Variants in KLF11 observed in about 807,000 individuals in gnomAD.
The protein encoded by KLF11 is KLF transcription factor 11.
KLF11 carries 26 observed loss-of-function variants against 29.9 expected under a neutral mutation model. That is an observed-to-expected ratio of 0.87 (90% CI 0.64 to 1.21). The LOEUF (loss-of-function observed/expected upper bound fraction) is 1.21. Ranked by LOEUF, KLF11 falls within the 50% of genes most tolerant of loss-of-function variation. The pLI, the probability that KLF11 is intolerant of heterozygous loss-of-function variation, is 0.00. For synonymous variants in KLF11, 318 were observed against 257.4 expected (o/e 1.24, Z -2.25); for missense variants, 778 against 665.7 (o/e 1.17, Z -1.86).
chr2:10,048,161 T>A lies in KLF11; in HGVS notation c.824T>A (p.Leu275Gln). The change falls in exon 3 of 4, where the codon CTG becomes CAG. Residue 275 changes from leucine to glutamine, a missense_variant. Leu to Gln is a moderately radical substitution (Grantham distance 113). Coordinates refer to ENST00000305883, the MANE Select transcript of KLF11 (RefSeq NM_003597.5). ...GACCTGCCCAGGAAAACCACCCCTC[T>A]GATTTCTGTCTCTGTCCCTGCTCCC... ...ENDLPRKTTP[L>Q]ISVSVPAPPV... 1 of 1,614,222 alleles carries A rather than the reference T, an allele frequency of 6.2e-7. No individual in the cohort carries two copies. The highest frequency in any genetic ancestry group is 8.5e-7 in the Non-Finnish European group (1 of 1,180,034).
At chr2:10,044,489 G>A in intron 1 of KLF11, 3 of 968,780 alleles carry the variant, frequency 3.1e-6, no homozygotes, top group South Asian at 4.8e-5. Context: ...TGACATCACA[G>A]GGGGTTTAGT....
rs1400411139 is a variant in KLF11 at position 10,054,745 on chromosome 2, T to TA, written c.*2239dup. ...GATAAGACTTAAAATGTTTCATAAT[T>TA]ATGTTTTATGTAACAGACTTTGACA... is the stretch of plus-strand genomic sequence containing the variant. On this transcript the variant is annotated 3_prime_UTR_variant, in exon 4 of 4. Transcript: ENST00000305883. The TA allele has an allele frequency of 1.3e-5, 2 of 152,650 alleles. No individual in the cohort carries two copies. Among genetic ancestry groups the TA allele is most frequent in the East Asian group, 3.8e-4 (2 of 5,200 alleles). 9.5% of individuals were successfully genotyped at this position (152,650 alleles called of 1,614,324 possible). A position where few individuals can be genotyped will look rare whatever the true frequency, so the allele number is the denominator to read the frequency against.
rs1488792523 is a variant in KLF11, at chr2:10,048,018, C to T, written c.681C>T (p.Asn227=). ...TCACGGACAGTTTACTCAGCACTAA[C>T]TTGGTGTCCTGTCAGCCCTGCTTGC... ...THLTDSLLST[N]LVSCQPCLHK... The change falls in exon 3 of 4, where the codon AAC becomes AAT. Residue 227 remains asparagine (N), a synonymous_variant. Transcript: ENST00000305883. 17 of 1,614,050 alleles carry T rather than the reference C, an allele frequency of 1.1e-5. No homozygotes were observed. The highest frequency in any genetic ancestry group is 4.4e-5 in the South Asian group (4 of 91,088).
Position 10,048,396 on chromosome 2 carries a change from CT to C in KLF11, c.1060del (p.Cys354ValfsTer33), listed in dbSNP as rs1661298334. 3 of 1,613,750 alleles carry C rather than the reference CT, an allele frequency of 1.9e-6. No homozygotes were observed. The highest frequency in any genetic ancestry group is 2.2e-5 in the South Asian group (2 of 91,084). On this transcript the variant is annotated frameshift_variant, in exon 3 of 4. Transcript: ENST00000305883. LOFTEE classifies it high-confidence loss of function. ...AGGGAGCCCTCCCTCCGCCTGCCCCCTGTGCAGCCAATGTCATGGCTGCCGG... is the reference window on the plus strand; with the variant it reads ...AGGGAGCCCTCCCTCCGCCTGCCCCCGTGCAGCCAATGTCATGGCTGCCGG... ...PQGALPPPAP[C>X]AANVMAAGNT...
In KLF11 at chr2:10,046,711, C is replaced by T. The variant is rs776000793; in HGVS notation, c.312+292C>T. Reference sequence around the variant, plus strand: ...CTCTACTAAAAGTACAAAATTTATCCGGGTGTGGTGGCGGGCGCCTGTAGT... The same window carrying T: ...CTCTACTAAAAGTACAAAATTTATCTGGGTGTGGTGGCGGGCGCCTGTAGT... On this transcript the variant is annotated intron_variant, in intron 2 of 3. Transcript: ENST00000305883. Among the ~76,000 whole-genome samples, 12 of 152,046 alleles carry T rather than the reference C, an allele frequency of 7.9e-5. 1 individual carries two copies. Among genetic ancestry groups the T allele is most frequent in the Non-Finnish European group, 1.6e-4 (11 of 68,036 alleles).
At chr2:10,044,341 C>A in intron 1 of KLF11, 11 of 985,674 alleles carry the variant, frequency 1.1e-5, no homozygotes, top group Non-Finnish European at 1.3e-5. Context: ...GTTGGGGGCC[C>A]TAAGCGTCGC....
At chr2:10,051,059 A>C (rs1325979675) in intron 3 of KLF11, among the ~76,000 whole-genome samples, 1 of 150,216 alleles carries the variant, frequency 6.7e-6, no homozygotes, top group African/African-American at 2.5e-5. Flanking sequence ...GGTGCCAGCT[A>C]CCATGCCTGG....
At chr2:10,045,152 A>G (rs1661150897) in intron 1 of KLF11, among the ~76,000 whole-genome samples, 2 of 151,330 alleles carry the variant, frequency 1.3e-5, no homozygotes, top group Admixed American at 6.6e-5. Context: ...TCTCAAAAAA[A>G]CAAGGCCGGG....
chr2:10,050,464 C>A (rs546955855), intron 3 of KLF11, among the ~76,000 whole-genome samples: 1 of 150,424 alleles, frequency 6.6e-6, no homozygotes, highest in African/African-American at 2.4e-5. Flanking sequence ...GTATTCCCAG[C>A]ACTTTCCGAG....
intron 3 of KLF11, among the ~76,000 whole-genome samples, chr2:10,051,764 G>A (rs746752982): frequency 3.0e-4 from 46 of 152,074 alleles, no homozygotes; most frequent in East Asian, 9.7e-4. Context: ...TGATCCGCCC[G>A]CCTCGGCCTC....
Position 10,047,793 on chromosome 2 carries a change from C to T in KLF11, c.456C>T (p.Gly152=), listed in dbSNP as rs373126146. 1.4e-5 allele frequency: 23 copies of T among 1,613,468 alleles called. No homozygotes were observed. The highest frequency in any genetic ancestry group is 4.5e-5 in the East Asian group (2 of 44,892). Reference sequence around the variant, plus strand: ...TAGTGGCCAGAGCTCTGAGCGGGGGCGCGGAGAGGGGCTTGCTGGGTTTGG... The same window carrying T: ...TAGTGGCCAGAGCTCTGAGCGGGGGTGCGGAGAGGGGCTTGCTGGGTTTGG... ...SAVVARALSG[G]AERGLLGLEP... The change falls in exon 3 of 4, where the codon GGC becomes GGT. Residue 152 remains glycine, a synonymous_variant. Coordinates refer to ENST00000305883, the MANE Select transcript of KLF11 (RefSeq NM_003597.5).
intron 1 of KLF11, 126 bp downstream of exon 1, chr2:10,043,884 G>T (rs1315801232): frequency 9.3e-7 from 1 of 1,078,496 alleles, no homozygotes; most frequent in Non-Finnish European, 1.1e-6. Flanking sequence ...CTGCGGCCGC[G>T]CCGGTAGGGG....
At chr2:10,044,073 C>G (rs544210217) in intron 1 of KLF11, 1 of 709,378 alleles carries the variant, frequency 1.4e-6, no homozygotes, top group East Asian at 1.3e-4. Flanking sequence ...GTGAGCCGGA[C>G]GGCCGTTGGG....
rs373935239 is a variant in KLF11 at position 10,046,326 on chromosome 2, G to A, written c.219G>A (p.Thr73=). The change falls in exon 2 of 4, where the codon ACG becomes ACA. Residue 73 remains threonine, a synonymous_variant. Coordinates refer to ENST00000305883, the MANE Select transcript of KLF11 (RefSeq NM_003597.5). The stretch of plus-strand genomic sequence containing the variant: ...ACCTGTTGCGGATAAGACCCCTCAC[G>A]CCTGTCTCTGACTCTGGGGATGTCA... The part of the protein sequence containing the change: ...KGDLLRIRPL[T]PVSDSGDVTT... 6.2e-6 allele frequency: 10 copies of A among 1,614,170 alleles called. No homozygotes were observed. The highest frequency in any genetic ancestry group is 5.5e-5 in the South Asian group (5 of 91,082).
chr2:10,048,641 G>C, intron 3 of KLF11, 46 bp downstream of exon 3: 1 of 1,443,176 alleles, frequency 6.9e-7, no homozygotes, highest in Non-Finnish European at 9.6e-7. Flanking sequence ...AGACCCTGTG[G>C]TTAGGAAGCA....
In KLF11 at chr2:10,043,659, C is replaced by G. The variant is rs548269711; in HGVS notation, c.-58C>G. ...GCCGCCCGCAGCCCACGTGCGGCCG[C>G]TGCTGCGCCCGAGCTCACGCCCCGC... On this transcript the variant is annotated 5_prime_UTR_variant, in exon 1 of 4. Coordinates refer to ENST00000305883, the MANE Select transcript of KLF11 (RefSeq NM_003597.5). 1 of 1,217,042 alleles carries G rather than the reference C, an allele frequency of 8.2e-7. No homozygotes were observed. Among genetic ancestry groups the G allele is most frequent in the Admixed American group, 3.0e-5 (1 of 33,830 alleles). 75.4% of individuals were successfully genotyped at this position (1,217,042 alleles called of 1,614,324 possible).
Position 10,047,866 on chromosome 2 carries a change from C to T in KLF11, c.529C>T (p.Arg177Ter), listed in dbSNP as rs747946003. The T allele has an allele frequency of 5.6e-6, 9 of 1,613,718 alleles. No homozygotes were observed. The highest frequency in any genetic ancestry group is 1.3e-5 in the African/African-American group (1 of 74,928). ...CAGGGCCAAGGGGACTAGCGTGATC[C>T]GACACACTGGGGAGAGCCCTGCTGC... ...PCRAKGTSVI[R>*]HTGESPAACF... The change falls in exon 3 of 4, where the codon CGA becomes TGA. Residue 177 changes from arginine (R) to a stop codon, truncating the protein, a stop_gained. Coordinates refer to ENST00000305883, the MANE Select transcript of KLF11 (RefSeq NM_003597.5). LOFTEE classifies it high-confidence loss of function.
In KLF11 at chr2:10,047,506, C is replaced by G. The variant is rs963272211; in HGVS notation, c.313-144C>G. On this transcript the variant is annotated intron_variant, in intron 2 of 3. Transcript: ENST00000305883. Reference sequence around the variant, plus strand: ...AGCTGAGAAAGCAGAGTGCCTCATGCAGCCTTGAAACCCACTGGGATGTTG... The same window carrying G: ...AGCTGAGAAAGCAGAGTGCCTCATGGAGCCTTGAAACCCACTGGGATGTTG... The G allele has an allele frequency of 6.3e-5, 47 of 747,528 alleles. No homozygotes were observed. In the African/African-American group the frequency reaches 7.0e-4, roughly 11 times the overall value. The allele number at this position is 747,528 out of a possible 1,614,324, so 46.3% of individuals were successfully genotyped here. A position where few individuals can be genotyped will look rare whatever the true frequency, so the allele number is the denominator to read the frequency against.
chr2:10,043,742 C>G lies in KLF11; in HGVS notation c.26C>G (p.Pro9Arg). 1 of 1,383,900 alleles carries G rather than the reference C, an allele frequency of 7.2e-7. No homozygotes were observed. Among genetic ancestry groups the G allele is most frequent in the Non-Finnish European group, 9.5e-7 (1 of 1,053,538 alleles). The allele number at this position is 1,383,900 out of a possible 1,614,324, so 85.7% of individuals were successfully genotyped here. Residue 9 changes from proline to arginine, a missense_variant, in exon 1 of 4, where the codon CCA becomes CGA. Coordinates refer to ENST00000305883, the MANE Select transcript of KLF11 (RefSeq NM_003597.5). MHTPDFAG[P>R]DDARAVDIMD... is the part of the protein sequence containing the mutation. ...ATGCACACGCCGGACTTCGCAGGCC[C>G]AGACGACGCGCGCGCAGTGAGTGGT...
Sources: allele counts gnomAD v4.1 joint callset (sites outside exome capture counted in the v4.1 genomes callset), GRCh38; gene constraint gnomAD v4.1.1; transcripts MANE v1.5; gene names NCBI Gene and HGNC (gene_info 2026-07-23, HGNC 2026-07-21).